Variants in VWA8 observed in about 807,000 individuals in gnomAD.
The protein encoded by VWA8 is von Willebrand factor A domain containing 8, also known as von Willebrand factor A domain-containing protein 8.
In VWA8, 221 loss-of-function variants were observed where a neutral mutation model predicts 241.5. The observed-to-expected ratio is 0.91, with a 90% CI of 0.82 to 1.02. The LOEUF is 1.02. Ranked by LOEUF, VWA8 falls within the 50% of genes least tolerant of loss-of-function variation. The pLI is 0.00. For synonymous variants in VWA8, 852 were observed against 827.1 expected, an observed-to-expected ratio of 1.03 and a Z score of -0.52; for missense variants, 2,322 against 2,328.7, an observed-to-expected ratio of 1.00 and a Z score of 0.06.
chr13:41,571,650 C>G (rs1482454142), intron 43 of VWA8, among the ~76,000 whole-genome samples: 3 of 152,242 alleles, frequency 2.0e-5, no homozygotes, highest in Non-Finnish European at 4.4e-5. Context: ...TCACTCAGTG[C>G]TCAACATTGC....
chr13:41,752,204 C>T (rs1164265035), intron 21 of VWA8, among the ~76,000 whole-genome samples: 1 of 152,110 alleles, frequency 6.6e-6, no homozygotes, highest in Non-Finnish European at 1.5e-5. Context: ...TCAAGTCCTG[C>T]CTGTTTTCAA....
At chr13:41,711,723 A>C (rs1404934606) in intron 26 of VWA8, among the ~76,000 whole-genome samples, 1 of 151,922 alleles carries the variant, frequency 6.6e-6, no homozygotes, top group African/African-American at 2.4e-5. Context: ...AAATACAAAA[A>C]ATTAGCGGGG....
At chr13:41,761,083 T>C (rs374607588) in intron 21 of VWA8, 45 bp downstream of exon 21, 1 of 1,572,670 alleles carries the variant, frequency 6.4e-7, no homozygotes, top group Non-Finnish European at 8.7e-7. Context: ...GGGAAACAAA[T>C]GATTAAATGA....
intron 9 of VWA8, among the ~76,000 whole-genome samples, chr13:41,871,461 C>T (rs1462457519): frequency 6.6e-6 from 1 of 152,168 alleles, no homozygotes; most frequent in Non-Finnish European, 1.5e-5. Flanking sequence ...CCCACTCCCT[C>T]CACCCCACAA....
At chr13:41,596,788 TACACAC>T (rs142774673) in intron 40 of VWA8, among the ~76,000 whole-genome samples, 2,658 of 136,950 alleles carry the variant, frequency 0.019, 27 homozygotes, top group African/African-American at 0.038. Context: ...AACCAGAAAG[TACACAC>T]ACACACACAC....
intron 14 of VWA8, among the ~76,000 whole-genome samples, chr13:41,823,414 A>G (rs539028581): frequency 6.6e-6 from 1 of 152,336 alleles, no homozygotes; most frequent in African/African-American, 2.4e-5. Flanking sequence ...ACTAATCTTT[A>G]TTGTTTCCCC....
At chr13:41,742,186 C>G (rs1019436014) in intron 21 of VWA8, among the ~76,000 whole-genome samples, 4 of 152,150 alleles carry the variant, frequency 2.6e-5, no homozygotes, top group Non-Finnish European at 5.9e-5. Context: ...ATGAAACCAT[C>G]GGAGAACCAA....
intron 2 of VWA8, among the ~76,000 whole-genome samples, chr13:41,912,765 C>G (rs1876072566): frequency 6.6e-6 from 1 of 152,074 alleles, no homozygotes; most frequent in Non-Finnish European, 1.5e-5. Flanking sequence ...TCTTCTATAC[C>G]AAATTCTTTT....
chr13:41,691,388 G>A lies in VWA8; in HGVS notation c.3798C>T (p.Pro1266=), dbSNP rs1566416714. The change falls in exon 32 of 45, where the codon CCC becomes CCT. Residue 1266 remains proline (P), a synonymous_variant. Transcript: ENST00000379310. ...CAAGGAAAACTGTCTTGAGGTTGAT[G>A]GGAAGTGAGATGGTGTGAGTTCGCC... ...LEGRTHTISL[P]INLKTVFLVA... 1 of 1,612,866 alleles carries A rather than the reference G, an allele frequency of 6.2e-7. No homozygotes were observed. Among genetic ancestry groups the A allele is most frequent in the East Asian group, 2.2e-5 (1 of 44,844 alleles).
At chr13:41,959,983 A>G (rs138138225) in intron 1 of VWA8, among the ~76,000 whole-genome samples, 11 of 152,336 alleles carry the variant, frequency 7.2e-5, no homozygotes, top group African/African-American at 2.6e-4. Flanking sequence ...CTACAATTTC[A>G]TAGTGAAAAC....
chr13:41,822,259 T>C (rs912019001), intron 14 of VWA8, among the ~76,000 whole-genome samples: 3 of 152,160 alleles, frequency 2.0e-5, no homozygotes, highest in African/African-American at 4.8e-5. Flanking sequence ...TCATTGAATT[T>C]GTACATTGGG....
chr13:41,719,790 A>ACATT, intron 25 of VWA8, 48 bp from the exon 26 acceptor site: 1 of 1,518,732 alleles, frequency 6.6e-7, no homozygotes, highest in East Asian at 2.3e-5. Context: ...AAAATATACA[A>ACATT]CATTATAAAG....
At chr13:41,683,060 A>G (rs900099890) in intron 35 of VWA8, among the ~76,000 whole-genome samples, 1 of 152,134 alleles carries the variant, frequency 6.6e-6, no homozygotes, top group Non-Finnish European at 1.5e-5. Flanking sequence ...GTTTCATCAT[A>G]TGATGCAAAA....
intron 17 of VWA8, among the ~76,000 whole-genome samples, chr13:41,788,087 G>C (rs1293376440): frequency 6.6e-6 from 1 of 152,154 alleles, no homozygotes; most frequent in African/African-American, 2.4e-5. Context: ...GTGAGTGACA[G>C]TTATTCTTCA....
rs769496587 is a variant in VWA8 at position 41,575,718 on chromosome 13, A to G, written c.5370+22T>C. On this transcript the variant is annotated intron_variant, in intron 43 of 44. Coordinates refer to ENST00000379310, the MANE Select transcript of VWA8 (RefSeq NM_015058.2). ...AACCTGATAGAAGCTTTCATAATAC[A>G]GAGGTAATAAAATATATTTACCTTC... 4.6e-6 allele frequency: 7 copies of G among 1,537,182 alleles called. No homozygotes were observed. The Admixed American group carries it at 1.0e-4, about 22-fold the overall frequency.
At chr13:41,645,293 T>C (rs1429360558) in intron 37 of VWA8, among the ~76,000 whole-genome samples, 1 of 152,232 alleles carries the variant, frequency 6.6e-6, no homozygotes, top group Non-Finnish European at 1.5e-5. Context: ...AGTAGAGATA[T>C]GCCAGGTATG....
chr13:41,588,662 A>G (rs1425872661), intron 41 of VWA8, among the ~76,000 whole-genome samples: 1 of 150,976 alleles, frequency 6.6e-6, no homozygotes, highest in African/African-American at 2.4e-5. Context: ...TTGAGGCTGT[A>G]GTGAGCTATG....
rs1040344413 is a variant in VWA8 at position 41,891,448 on chromosome 13, G to C, written c.623C>G (p.Ser208Cys). The change falls in exon 5 of 45, where the codon TCT becomes TGT. Residue 208 changes from serine to cysteine, a missense_variant. By Grantham distance (112) the Ser-to-Cys change is moderately radical (BLOSUM62 -1). Coordinates refer to ENST00000379310, the MANE Select transcript of VWA8 (RefSeq NM_015058.2). ...MQLEDGRFLM[S>C]AERYDKLLRD... ...GAGAAGTTTGTCGTAACGCTCAGCA[G>C]ACATCAGGAAGCGTCCATCTTCAAG... 8.1e-6 allele frequency: 13 copies of C among 1,614,082 alleles called. No homozygotes were observed. The highest frequency in any genetic ancestry group is 1.3e-5 in the African/African-American group (1 of 74,930).
intron 1 of VWA8, among the ~76,000 whole-genome samples, chr13:41,956,246 T>C (rs1878348502): frequency 6.6e-6 from 1 of 152,212 alleles, no homozygotes; most frequent in Admixed American, 6.5e-5. Context: ...CTGGTTCTGA[T>C]AACCAAAAAG....
Sources: gnomAD v4.1 joint callset for allele counts (sites outside exome capture counted in the v4.1 genomes callset) on GRCh38, gnomAD v4.1.1 for gene constraint, MANE v1.5 for transcripts, NCBI Gene and HGNC (gene_info 2026-07-23, HGNC 2026-07-21) for gene names.